The following ALPK2 variants were observed in gnomAD, a reference collection of about 807,000 sequenced individuals.
ALPK2 encodes the protein alpha kinase 2.
A neutral mutation model predicts 163.1 loss-of-function variants in ALPK2; 127 were observed. The ratio of observed to expected loss-of-function variants is 0.78; its 90% CI spans 0.67 to 0.90. ALPK2 has a LOEUF of 0.90. Ranked by LOEUF, ALPK2 falls within the 40% of genes least tolerant of loss-of-function variation. The probability of loss-of-function intolerance (pLI) is 0.00; values close to 1 mark genes in which losing one functional copy is unlikely to be tolerated. For missense variants in ALPK2, 2,360 were observed against 2,589.6 expected (o/e 0.91, Z 1.92); for synonymous variants, 953 against 959.1 (o/e 0.99, Z 0.12).
chr18:58,612,882 A>G (rs1425148188), intron 1 of ALPK2, among the ~76,000 whole-genome samples: 2 of 152,138 alleles, frequency 1.3e-5, no homozygotes, highest in East Asian at 3.8e-4. Flanking sequence ...CTCCCACACC[A>G]CAGAGCTCGG....
chr18:58,496,936 G>A lies in ALPK2; in HGVS notation c.6296+1113C>T, dbSNP rs112971188. 1.2e-3 allele frequency among the ~76,000 whole-genome samples: 180 copies of A among 152,350 alleles called. 2 individuals carry two copies. Among genetic ancestry groups the A allele is most frequent in the African/African-American group, 4.1e-3 (169 of 41,582 alleles). On this transcript the variant is annotated intron_variant, in intron 12 of 12. Coordinates refer to ENST00000361673, the MANE Select transcript of ALPK2 (RefSeq NM_052947.4). ...GTCCACCTGCCCTAATCACCCCAGT[G>A]CAGGTACCAGACACTAGGGCCAGCC...
rs183477627 is a variant in ALPK2 at position 58,572,596 on chromosome 18, T to C, written c.1962+6218A>G. 3.5e-3 allele frequency among the ~76,000 whole-genome samples: 531 copies of C among 152,230 alleles called. 13 individuals carry two copies. The highest frequency in any genetic ancestry group is 0.033 in the Admixed American group (502 of 15,284). On this transcript the variant is annotated intron_variant, in intron 4 of 12. Coordinates refer to ENST00000361673, the MANE Select transcript of ALPK2 (RefSeq NM_052947.4). ...AAGTTGAATGAATCTCCGGGAATTC[T>C]GCTGAAAAAAAAACTCAAAAACTTG...
chr18:58,494,398 G>T (rs1367078693), intron 12 of ALPK2, among the ~76,000 whole-genome samples: 1 of 152,080 alleles, frequency 6.6e-6, no homozygotes, highest in Non-Finnish European at 1.5e-5. Context: ...AAGTAAAGTT[G>T]AATTAAAATG....
At chr18:58,555,238 T>TA (rs139666316) in intron 4 of ALPK2, among the ~76,000 whole-genome samples, 3,279 of 152,314 alleles carry the variant, frequency 0.022, 54 homozygotes, top group Non-Finnish European at 0.033. Context: ...TCTTAACAAT[T>TA]AGATTCATTC....
intron 4 of ALPK2, among the ~76,000 whole-genome samples, chr18:58,561,784 C>G (rs1006872003): frequency 2.0e-5 from 3 of 152,164 alleles, no homozygotes; most frequent in Non-Finnish European, 2.9e-5. Context: ...TCTGGTGTGG[C>G]CAAGCAACCT....
intron 10 of ALPK2, among the ~76,000 whole-genome samples, chr18:58,512,847 G>A (rs2051499058): frequency 7.0e-6 from 1 of 142,212 alleles, no homozygotes; most frequent in Non-Finnish European, 1.5e-5. Context: ...GTGTGTATGT[G>A]GTGTGTGTGT....
chr18:58,553,613 C>A (rs983391804), intron 4 of ALPK2, among the ~76,000 whole-genome samples: 1 of 152,146 alleles, frequency 6.6e-6, no homozygotes, highest in Non-Finnish European at 1.5e-5. Context: ...TTCTCCCAAG[C>A]TGTTCTCATG....
intron 12 of ALPK2, among the ~76,000 whole-genome samples, chr18:58,488,662 T>C (rs2051353417): frequency 6.6e-6 from 1 of 151,882 alleles, no homozygotes; most frequent in Non-Finnish European, 1.5e-5. Context: ...GAAGCTACAT[T>C]GAACAGCTTG....
At chr18:58,580,722 GC>G in intron 3 of ALPK2, 174 bp from the exon 4 acceptor site, 1 of 638,084 alleles carries the variant, frequency 1.6e-6, no homozygotes, top group Non-Finnish European at 2.7e-6. Context: ...GGGCTCCGGT[GC>G]CCCTAGTGCT....
chr18:58,615,996 C>T (rs527850793), intron 1 of ALPK2, among the ~76,000 whole-genome samples: 17 of 152,182 alleles, frequency 1.1e-4, no homozygotes, highest in Non-Finnish European at 2.1e-4. Flanking sequence ...GGCTGTGGCT[C>T]GTGTTTCGTG....
chr18:58,611,684 G>C lies in ALPK2; in HGVS notation c.109+5C>G, dbSNP rs1351232778. The C allele has an allele frequency of 6.2e-7, 1 of 1,610,410 alleles. No individual in the cohort carries two copies. The highest frequency in any genetic ancestry group is 2.2e-5 in the East Asian group (1 of 44,832). On this transcript the variant is annotated splice_donor_5th_base_variant and intron_variant, in intron 2 of 12. Coordinates refer to ENST00000361673, the MANE Select transcript of ALPK2 (RefSeq NM_052947.4). ...AGGGTGATTAGCTAGTCTAGTGATG[G>C]TTACCAGATATTATGCAGCGAAGCA...
chr18:58,497,939 A>C (rs2051409450), intron 12 of ALPK2, 110 bp downstream of exon 12: 5 of 920,112 alleles, frequency 5.4e-6, no homozygotes, highest in Non-Finnish European at 3.5e-6. Flanking sequence ...TTCGTCATCC[A>C]CAGTTAGGAC....
At position 58,482,015 on chromosome 18, in the gene ALPK2, A is replaced by C; in HGVS notation, c.6321T>G (p.Cys2107Trp). The C allele has an allele frequency of 1.9e-6, 3 of 1,614,126 alleles. No homozygotes were observed. The highest frequency in any genetic ancestry group is 2.5e-6 in the Non-Finnish European group (3 of 1,179,964). Residue 2107 changes from cysteine to tryptophan, a missense_variant, in exon 13 of 13, where the codon TGT becomes TGG. Physicochemically the swap from Cys to Trp is radical, Grantham distance 215. Transcript: ENST00000361673. ...TAAACTGATCAATGAAGGTCATGGA[A>C]CAGTTGCCTTTAAATCCCTTGTACC... ...AKGYKGFKGN[C>W]SMTFIDQFKA...
rs374669294 is a variant in ALPK2, at chr18:58,611,785, C to T, written c.13G>A (p.Glu5Lys). ...CACAGCGGGGGCCTCTGGGGCCCTT[C>T]GGAGTCTTTCATCCTTTCATGCCGC... MKDS[E>K]GPQRPPLCFL... The change falls in exon 2 of 13, where the codon GAA becomes AAA. Residue 5 changes from glutamate to lysine, a missense_variant. Coordinates refer to ENST00000361673, the MANE Select transcript of ALPK2 (RefSeq NM_052947.4). 35 of 1,591,556 alleles carry T rather than the reference C, an allele frequency of 2.2e-5. No homozygotes were observed. The highest frequency in any genetic ancestry group is 1.2e-4 in the African/African-American group (9 of 73,262).
intron 12 of ALPK2, among the ~76,000 whole-genome samples, chr18:58,484,061 C>T (rs1054969974): frequency 4.3e-4 from 66 of 152,150 alleles, no homozygotes; most frequent in African/African-American, 1.6e-3. Context: ...TCACTCTTTG[C>T]TCACCACTGT....
chr18:58,622,019 GC>G (rs1338019863), intron 1 of ALPK2, among the ~76,000 whole-genome samples: 1 of 144,412 alleles, frequency 6.9e-6, no homozygotes, highest in African/African-American at 2.7e-5. Flanking sequence ...TTATGAGAGG[GC>G]TTAAAAAAAA....
At chr18:58,486,979 C>T (rs1164004437) in intron 12 of ALPK2, among the ~76,000 whole-genome samples, 8 of 152,200 alleles carry the variant, frequency 5.3e-5, no homozygotes, top group Admixed American at 1.3e-4. Context: ...ATGTGCCACC[C>T]GCTGCCTTGA....
chr18:58,618,996 T>G (rs2052184735), intron 1 of ALPK2, among the ~76,000 whole-genome samples: 1 of 152,216 alleles, frequency 6.6e-6, no homozygotes, highest in Non-Finnish European at 1.5e-5. Flanking sequence ...TAGTTCTGAT[T>G]ACCCAGCCTA....
intron 11 of ALPK2, among the ~76,000 whole-genome samples, chr18:58,502,342 G>C (rs776056035): frequency 3.9e-5 from 6 of 151,910 alleles, no homozygotes; most frequent in Non-Finnish European, 7.4e-5. Flanking sequence ...GTGACAGAGT[G>C]ACACCCTGTC....
Sources: gnomAD v4.1 joint callset for allele counts (sites outside exome capture counted in the v4.1 genomes callset) on GRCh38, gnomAD v4.1.1 for gene constraint, MANE v1.5 for transcripts, NCBI Gene and HGNC (gene_info 2026-07-23, HGNC 2026-07-21) for gene names.